PRKCH: variants seen among roughly 807,000 people sequenced by gnomAD.
PRKCH encodes the protein protein kinase C eta.
In PRKCH, 28 loss-of-function variants were observed where a neutral mutation model predicts 82.5. The ratio of observed to expected loss-of-function variants is 0.34; its 90% CI spans 0.25 to 0.47. The LOEUF (loss-of-function observed/expected upper bound fraction) is 0.47, where lower values mean the gene tolerates loss of function less well. Ranked by LOEUF, PRKCH falls within the 20% of genes least tolerant of loss-of-function variation. PRKCH has a pLI of 1.00. For synonymous variants in PRKCH, 322 were observed against 327.4 expected (o/e 0.98, Z 0.18); for missense variants, 705 against 881.8 (o/e 0.80, Z 2.54).
At chr14:61,261,055 T>C (rs1227888338) in intron 1 of PRKCH, among the ~76,000 whole-genome samples, 1 of 152,008 alleles carries the variant, frequency 6.6e-6, no homozygotes. Flanking sequence ...CCACTGGGGG[T>C]GCACAATCCT....
intron 1 of PRKCH, among the ~76,000 whole-genome samples, chr14:61,272,386 G>A (rs185854646): frequency 7.1e-4 from 63 of 88,230 alleles, no homozygotes; most frequent in Admixed American, 2.0e-3. Context: ...CAGAGTCTTG[G>A]TTTGTTAACC....
intron 1 of PRKCH, among the ~76,000 whole-genome samples, chr14:61,263,451 T>C (rs1415608955): frequency 2.7e-5 from 4 of 150,838 alleles, no homozygotes; most frequent in Non-Finnish European, 5.9e-5. Context: ...GGTATTACTA[T>C]CCACATTTAT....
chr14:61,395,291 C>CG (rs1555383077), intron 2 of PRKCH, among the ~76,000 whole-genome samples: 3 of 3,518 alleles, frequency 8.5e-4, no homozygotes, highest in Non-Finnish European at 8.8e-3. Flanking sequence ...GGAAATGGAG[C>CG]CCCCCCCCGC....
intron 4 of PRKCH, among the ~76,000 whole-genome samples, chr14:61,447,608 G>A (rs1054053578): frequency 1.3e-5 from 2 of 151,994 alleles, no homozygotes; most frequent in Non-Finnish European, 2.9e-5. Context: ...AGACCACAAT[G>A]GAATTAAACT....
chr14:61,487,074 G>A (rs1886257043), intron 10 of PRKCH, among the ~76,000 whole-genome samples: 1 of 152,206 alleles, frequency 6.6e-6, no homozygotes, highest in South Asian at 2.1e-4. Context: ...CTCTCTTAGA[G>A]AGAGTGCAGT....
intron 2 of PRKCH, among the ~76,000 whole-genome samples, chr14:61,396,555 A>G (rs959134209): frequency 6.6e-6 from 1 of 152,210 alleles, no homozygotes; most frequent in African/African-American, 2.4e-5. Flanking sequence ...GCCAGGTCCC[A>G]TGGCAGGAAT....
intron 2 of PRKCH, among the ~76,000 whole-genome samples, chr14:61,439,198 T>C (rs1883826246): frequency 6.6e-6 from 1 of 152,224 alleles, no homozygotes; most frequent in Non-Finnish European, 1.5e-5. Context: ...TTAGTCCTTT[T>C]AACTCAGTCC....
At chr14:61,231,673 A>C (rs959361349) in intron 1 of PRKCH, among the ~76,000 whole-genome samples, 13 of 152,012 alleles carry the variant, frequency 8.6e-5, no homozygotes, top group Non-Finnish European at 1.6e-4. Context: ...TGGCCGGCTG[A>C]ATCTTTATTT....
intron 1 of PRKCH, among the ~76,000 whole-genome samples, chr14:61,328,422 T>C (rs550179701): frequency 2.6e-4 from 33 of 125,248 alleles, no homozygotes; most frequent in African/African-American, 7.5e-4. Context: ...TTTTCACTTA[T>C]AATTTTCACG....
intron 10 of PRKCH, chr14:61,525,229 A>C (rs1350506988): frequency 6.6e-6 from 1 of 152,240 alleles, no homozygotes; most frequent in East Asian, 1.9e-4. Flanking sequence ...TAGAGCAGGT[A>C]TGAGATACTT....
At chr14:61,456,943 A>G (rs1884793768) in intron 7 of PRKCH, 3 of 449,142 alleles carry the variant, frequency 6.7e-6, no homozygotes, top group South Asian at 2.7e-5. Flanking sequence ...CTGTAACTCC[A>G]TGGCTTAGAC....
intron 1 of PRKCH, among the ~76,000 whole-genome samples, chr14:61,227,601 G>GATAA (rs10638537): frequency 0.17 from 25,483 of 151,320 alleles, 2,872 homozygotes; most frequent in African/African-American, 0.32. Flanking sequence ...TCAAAAAATA[G>GATAA]ATAAATAAAT....
chr14:61,257,765 A>G (rs964937231), intron 1 of PRKCH, among the ~76,000 whole-genome samples: 3 of 152,152 alleles, frequency 2.0e-5, no homozygotes, highest in Non-Finnish European at 4.4e-5. Context: ...GAATCAGATT[A>G]GAGATTCAGC....
At chr14:61,273,837 G>T (rs980957142) in intron 1 of PRKCH, among the ~76,000 whole-genome samples, 3 of 152,126 alleles carry the variant, frequency 2.0e-5, no homozygotes, top group Non-Finnish European at 4.4e-5. Context: ...CAACTATCTT[G>T]TAGGAAACAA....
chr14:61,398,116 A>C (rs570965105), intron 2 of PRKCH, among the ~76,000 whole-genome samples: 1 of 152,332 alleles, frequency 6.6e-6, no homozygotes, highest in East Asian at 1.9e-4. Flanking sequence ...GCCTAATGTC[A>C]ATCTTTATTC....
chr14:61,255,606 C>T (rs1474600267), intron 1 of PRKCH, among the ~76,000 whole-genome samples: 6 of 152,214 alleles, frequency 3.9e-5, no homozygotes, highest in South Asian at 4.2e-4. Flanking sequence ...CATTTCCACC[C>T]CACCTTTCAT....
intron 1 of PRKCH, among the ~76,000 whole-genome samples, chr14:61,251,592 C>A (rs2044947228): frequency 6.6e-6 from 1 of 152,150 alleles, no homozygotes; most frequent in African/African-American, 2.4e-5. Context: ...TTTTCTTTAT[C>A]TGTTCATCTG....
At position 61,204,118 on chromosome 14, in the gene PRKCH, G is replaced by A. The variant is rs116204986; in HGVS notation, c.-19+16450G>A. On this transcript the variant is annotated intron_variant, in intron 1 of 3. Coordinates refer to the PRKCH transcript ENST00000555185. Reference sequence around the variant, plus strand: ...TCTCACTCCTTAAGTTTCCTCCCTTGGCAACCAGAGCCCTTTATAAATTGT... The same window carrying A: ...TCTCACTCCTTAAGTTTCCTCCCTTAGCAACCAGAGCCCTTTATAAATTGT... Among the ~76,000 whole-genome samples, 817 of 152,100 alleles carry A rather than the reference G, an allele frequency of 5.4e-3. 14 individuals carry two copies. Among genetic ancestry groups the A allele is most frequent in the African/African-American group, 0.018 (756 of 41,472 alleles).
At chr14:61,402,420 T>C (rs1881677128) in intron 2 of PRKCH, among the ~76,000 whole-genome samples, 1 of 152,250 alleles carries the variant, frequency 6.6e-6, no homozygotes, top group South Asian at 2.1e-4. Context: ...ATTTTTAAAT[T>C]ACTCTGTGTG....
Sources: gnomAD v4.1 joint callset for allele counts (sites outside exome capture counted in the v4.1 genomes callset) on GRCh38, gnomAD v4.1.1 for gene constraint, MANE v1.5 for transcripts, NCBI Gene and HGNC (gene_info 2026-07-23, HGNC 2026-07-21) for gene names.